Variants in SYT9 observed in about 807,000 individuals in gnomAD.
SYT9 encodes the protein synaptotagmin 9.
A neutral mutation model predicts 48.4 loss-of-function variants in SYT9; 22 were observed. The observed-to-expected ratio is 0.45, with a 90% CI of 0.32 to 0.65. The LOEUF is 0.65. Among genes scored for constraint, SYT9 ranks in the 30% least tolerant of loss-of-function variants. The pLI, the probability that SYT9 is intolerant of heterozygous loss-of-function variation, is 0.03. For missense variants in SYT9, 577 were observed against 622.0 expected (o/e 0.93, Z 0.77); for synonymous variants, 265 against 245.0 (o/e 1.08, Z -0.76).
intron 3 of SYT9, among the ~76,000 whole-genome samples, chr11:7,335,735 A>G (rs544991285): frequency 6.6e-6 from 1 of 152,092 alleles, no homozygotes; most frequent in South Asian, 2.1e-4. Flanking sequence ...CATTTTCTTT[A>G]TCCAATCTGC....
At chr11:7,429,497 A>G (rs926281912) in intron 6 of SYT9, among the ~76,000 whole-genome samples, 1 of 152,256 alleles carries the variant, frequency 6.6e-6, no homozygotes, top group African/African-American at 2.4e-5. Flanking sequence ...AACCTCTCCC[A>G]AACATAGTGT....
intron 1 of SYT9, among the ~76,000 whole-genome samples, chr11:7,255,603 G>A (rs1184960003): frequency 2.6e-5 from 4 of 152,124 alleles, no homozygotes; most frequent in Non-Finnish European, 5.9e-5. Context: ...AATGCAATTT[G>A]CAGGTACAGC....
At chr11:7,278,738 C>T (rs1005991938) in intron 1 of SYT9, among the ~76,000 whole-genome samples, 4 of 152,040 alleles carry the variant, frequency 2.6e-5, no homozygotes, top group Non-Finnish European at 4.4e-5. Context: ...GATTAAAAAA[C>T]AAGGAAGATA....
At chr11:7,303,413 T>C (rs1429072334) in intron 2 of SYT9, 23 bp downstream of exon 2, 1 of 1,572,516 alleles carries the variant, frequency 6.4e-7, no homozygotes, top group East Asian at 2.3e-5. Flanking sequence ...TTCTCCTTTC[T>C]GAATGCAAGG....
chr11:7,384,941 G>T (rs554457364), intron 3 of SYT9, among the ~76,000 whole-genome samples: 1 of 152,056 alleles, frequency 6.6e-6, no homozygotes, highest in South Asian at 2.1e-4. Context: ...CCAATTAACT[G>T]CATGGCTTGC....
At chr11:7,336,544 G>A (rs530778956) in intron 3 of SYT9, among the ~76,000 whole-genome samples, 17 of 151,908 alleles carry the variant, frequency 1.1e-4, no homozygotes, top group Admixed American at 6.6e-5. Context: ...GTCTAGTTTC[G>A]ATCATCTTCA....
intron 3 of SYT9, among the ~76,000 whole-genome samples, chr11:7,386,785 A>G (rs1388536358): frequency 6.6e-6 from 1 of 152,214 alleles, no homozygotes; most frequent in Non-Finnish European, 1.5e-5. Flanking sequence ...TGACCCAGCA[A>G]TCCCATTACT....
intron 3 of SYT9, among the ~76,000 whole-genome samples, chr11:7,378,238 T>C (rs538589844): frequency 2.6e-5 from 4 of 152,136 alleles, no homozygotes; most frequent in Admixed American, 2.6e-4. Context: ...GGGTTAAGAA[T>C]AGTTTAGCCT....
chr11:7,248,181 T>G (rs535021186), upstream of SYT9, among the ~76,000 whole-genome samples: 4 of 152,210 alleles, frequency 2.6e-5, no homozygotes, highest in African/African-American at 9.6e-5. Flanking sequence ...TGTTTGTTTT[T>G]TTCGTGTTGA....
At chr11:7,422,810 T>A (rs1172126158) in intron 6 of SYT9, among the ~76,000 whole-genome samples, 1 of 152,046 alleles carries the variant, frequency 6.6e-6, no homozygotes, top group Non-Finnish European at 1.5e-5. Context: ...TGAGTGGCAG[T>A]ATATGCACGT....
intron 5 of SYT9, among the ~76,000 whole-genome samples, chr11:7,419,465 G>A (rs1381484027): frequency 1.3e-5 from 2 of 151,376 alleles, no homozygotes; most frequent in Non-Finnish European, 2.9e-5. Context: ...AAAAAAAAAA[G>A]AGAAAGTATG....
At position 7,288,157 on chromosome 11, in the gene SYT9, C is replaced by G. The variant is rs553218184; in HGVS notation, c.146-14882C>G. Reference sequence around the variant, plus strand: ...GTAACTGTCAGGGGCCTGGGAAACCCTGGGAGGGACCCCAGACTCTTGAGG... The same window carrying G: ...GTAACTGTCAGGGGCCTGGGAAACCGTGGGAGGGACCCCAGACTCTTGAGG... On this transcript the variant is annotated intron_variant, in intron 1 of 6. Coordinates refer to ENST00000318881, the MANE Select transcript of SYT9 (RefSeq NM_175733.4). Among the ~76,000 whole-genome samples the G allele has an allele frequency of 2.0e-5, 3 of 152,180 alleles. No individual in the cohort carries two copies. In the East Asian group the frequency reaches 5.8e-4, roughly 29 times the overall value.
At chr11:7,461,022 T>A (rs1179993224) in intron 6 of SYT9, among the ~76,000 whole-genome samples, 1 of 152,106 alleles carries the variant, frequency 6.6e-6, no homozygotes, top group African/African-American at 2.4e-5. Flanking sequence ...GAGCTATGAA[T>A]TAATAAGGCA....
chr11:7,319,976 T>C (rs1416003953), intron 3 of SYT9, among the ~76,000 whole-genome samples: 1 of 152,146 alleles, frequency 6.6e-6, no homozygotes, highest in Non-Finnish European at 1.5e-5. Context: ...CCTGAAGGAG[T>C]TTCTGTGAGT....
chr11:7,251,352 A>C (rs1847864443), upstream of SYT9, among the ~76,000 whole-genome samples: 1 of 152,042 alleles, frequency 6.6e-6, no homozygotes, highest in South Asian at 2.1e-4. Flanking sequence ...TTTCCCAGGA[A>C]TCGTTTATTT....
At chr11:7,329,897 C>T (rs1262765181) in intron 3 of SYT9, among the ~76,000 whole-genome samples, 1 of 152,154 alleles carries the variant, frequency 6.6e-6, no homozygotes, top group East Asian at 1.9e-4. Flanking sequence ...AGAAAGCATG[C>T]CAGCTCTGTT....
At chr11:7,367,721 T>C (rs575389630) in intron 3 of SYT9, among the ~76,000 whole-genome samples, 1 of 152,360 alleles carries the variant, frequency 6.6e-6, no homozygotes, top group African/African-American at 2.4e-5. Context: ...TGTTTGCTTT[T>C]TGATATTGCT....
At chr11:7,285,459 TC>T (rs1346191497) in intron 1 of SYT9, among the ~76,000 whole-genome samples, 3 of 152,056 alleles carry the variant, frequency 2.0e-5, no homozygotes, top group African/African-American at 7.2e-5. Flanking sequence ...CTCCCACCAG[TC>T]CCTCCCATGA....
rs182014393 is a variant in SYT9, at chr11:7,347,658, T to C, written c.1044+33717T>C. 1.2e-4 allele frequency among the ~76,000 whole-genome samples: 18 copies of C among 152,312 alleles called. No homozygotes were observed. The East Asian group carries it at 3.3e-3, about 28-fold the overall frequency. ...CAGGAAGATTGTGGATATGTGCTTCTACTTGTGCCTAGAGGAAAAGGTTTC... is the reference window on the plus strand; with the variant it reads ...CAGGAAGATTGTGGATATGTGCTTCCACTTGTGCCTAGAGGAAAAGGTTTC... On this transcript the variant is annotated intron_variant, in intron 3 of 6. Transcript: ENST00000318881.
Sources: allele counts gnomAD v4.1 joint callset (sites outside exome capture counted in the v4.1 genomes callset), GRCh38; gene constraint gnomAD v4.1.1; transcripts MANE v1.5; gene names NCBI Gene and HGNC (gene_info 2026-07-23, HGNC 2026-07-21).